The following TRPC1 variants were observed in gnomAD, a reference collection of about 807,000 sequenced individuals.
TRPC1 encodes the protein short transient receptor potential channel 1.
In TRPC1, 42 loss-of-function variants were observed where a neutral mutation model predicts 88.2. The ratio of observed to expected loss-of-function variants is 0.48; its 90% confidence interval spans 0.37 to 0.62. TRPC1 has a LOEUF of 0.62. TRPC1 is among the 20% of genes least tolerant of loss of function. The pLI is 0.00. For missense variants in TRPC1, 699 were observed against 957.3 expected (o/e 0.73, Z 3.56); for synonymous variants, 288 against 331.8 (o/e 0.87, Z 1.43).
At chr3:142,758,820 TC>T (rs1935077819) in intron 4 of TRPC1, among the ~76,000 whole-genome samples, 1 of 102,642 alleles carries the variant, frequency 9.7e-6, no homozygotes, top group Non-Finnish European at 1.9e-5. Context: ...ATGCTATCCC[TC>T]CCCCCTCCCC....
intron 2 of TRPC1, among the ~76,000 whole-genome samples, chr3:142,740,245 A>T (rs1934297987): frequency 6.6e-6 from 1 of 152,246 alleles, no homozygotes. Context: ...GGAGTCCAGG[A>T]TGATTTGGAA....
At chr3:142,783,328 C>T (rs1191044532) in intron 6 of TRPC1, among the ~76,000 whole-genome samples, 1 of 152,148 alleles carries the variant, frequency 6.6e-6, no homozygotes, top group Non-Finnish European at 1.5e-5. Flanking sequence ...CCAGGCATTT[C>T]ACCTTGAGGG....
At chr3:142,780,807 C>T (rs1051651326) in intron 5 of TRPC1, 27 bp from the exon 6 acceptor site, 7 of 1,555,480 alleles carry the variant, frequency 4.5e-6, no homozygotes, top group Non-Finnish European at 6.1e-6. Flanking sequence ...AACGACGTTT[C>T]TGATAATAGA....
chr3:142,760,888 A>G (rs943393904), intron 4 of TRPC1, among the ~76,000 whole-genome samples: 7 of 151,512 alleles, frequency 4.6e-5, no homozygotes, highest in East Asian at 1.9e-4. Flanking sequence ...TCTTTTTCAG[A>G]TTGTTCTTTG....
intron 4 of TRPC1, among the ~76,000 whole-genome samples, chr3:142,749,768 A>G (rs1934688119): frequency 6.6e-6 from 1 of 152,174 alleles, no homozygotes; most frequent in African/African-American, 2.4e-5. Flanking sequence ...AAATAATGCC[A>G]CACATCTACA....
At chr3:142,743,300 G>A (rs1388757117) in intron 2 of TRPC1, among the ~76,000 whole-genome samples, 185 bp from the exon 3 acceptor site, 1 of 151,840 alleles carries the variant, frequency 6.6e-6, no homozygotes, top group African/African-American at 2.4e-5. Context: ...GTGTATTGTG[G>A]TACACAGAAG....
chr3:142,727,314 T>G (rs1167424926), intron 1 of TRPC1, among the ~76,000 whole-genome samples: 2 of 152,178 alleles, frequency 1.3e-5, no homozygotes, highest in African/African-American at 4.8e-5. Flanking sequence ...ATATGCAAAA[T>G]GTTCATAACA....
intron 9 of TRPC1, among the ~76,000 whole-genome samples, chr3:142,793,223 T>A (rs1936347932): frequency 1.3e-5 from 2 of 152,084 alleles, no homozygotes; most frequent in South Asian, 4.1e-4. Flanking sequence ...GACATAGATA[T>A]GTTTAAAATA....
intron 4 of TRPC1, among the ~76,000 whole-genome samples, chr3:142,772,352 A>T (rs1935606091): frequency 6.6e-6 from 1 of 151,302 alleles, no homozygotes; most frequent in Non-Finnish European, 1.5e-5. Flanking sequence ...TTTCTTAATT[A>T]TTTCTTCTCT....
chr3:142,758,068 A>AT (rs958710458), intron 4 of TRPC1, among the ~76,000 whole-genome samples: 61 of 150,876 alleles, frequency 4.0e-4, no homozygotes, highest in South Asian at 1.0e-3. Flanking sequence ...TATTCTTTCT[A>AT]TTTTTTTTTG....
intron 6 of TRPC1, among the ~76,000 whole-genome samples, chr3:142,782,395 G>A (rs1294782702): frequency 2.0e-5 from 3 of 152,114 alleles, no homozygotes; most frequent in Non-Finnish European, 4.4e-5. Flanking sequence ...ACGATCAGTG[G>A]GGAAGATATT....
intron 4 of TRPC1, among the ~76,000 whole-genome samples, chr3:142,760,657 A>G (rs1444774348): frequency 6.6e-6 from 1 of 152,172 alleles, no homozygotes; most frequent in Non-Finnish European, 1.5e-5. Context: ...TGGAATCTCA[A>G]AATTGCTTTG....
chr3:142,771,152 C>T lies in TRPC1; in HGVS notation c.633-6480C>T, dbSNP rs188199204. On this transcript the variant is annotated intron_variant, in intron 4 of 12. Coordinates refer to ENST00000476941, the MANE Select transcript of TRPC1 (RefSeq NM_001251845.2). ...TCCACCTCCATGACCCAAACATCTC[C>T]AACAAGGCCCCACCTCCAACATTGA... 1.3e-4 allele frequency among the ~76,000 whole-genome samples: 20 copies of T among 152,330 alleles called. No homozygotes were observed. In the East Asian group the frequency reaches 3.9e-3, roughly 29 times the overall value.
intron 6 of TRPC1, among the ~76,000 whole-genome samples, chr3:142,782,225 T>A (rs1935983355): frequency 6.6e-6 from 1 of 152,138 alleles, no homozygotes; most frequent in Admixed American, 6.5e-5. Flanking sequence ...CCTGAAGGAC[T>A]CACAGAGTGG....
Position 142,798,866 on chromosome 3 carries a change from T to C in TRPC1, c.1582-3303T>C, listed in dbSNP as rs139540968. Among the ~76,000 whole-genome samples the C allele has an allele frequency of 4.6e-3, 698 of 152,294 alleles. 5 individuals are homozygous for C. The highest frequency in any genetic ancestry group is 0.015 in the African/African-American group (620 of 41,584). Reference sequence around the variant, plus strand: ...TTTCTTTTGTTAGCAACTTGTGTAATTTAATGAGCCTAATGATAGCAACCT... The same window carrying C: ...TTTCTTTTGTTAGCAACTTGTGTAACTTAATGAGCCTAATGATAGCAACCT... On this transcript the variant is annotated intron_variant, in intron 9 of 12. Coordinates refer to ENST00000476941, the MANE Select transcript of TRPC1 (RefSeq NM_001251845.2).
chr3:142,734,548 T>C (rs1934048645), intron 1 of TRPC1, among the ~76,000 whole-genome samples: 1 of 152,014 alleles, frequency 6.6e-6, no homozygotes, highest in South Asian at 2.1e-4. Context: ...CTAATGGAAG[T>C]TGACAAGAGA....
chr3:142,795,782 A>G (rs1335387279), intron 9 of TRPC1, among the ~76,000 whole-genome samples: 3 of 152,108 alleles, frequency 2.0e-5, no homozygotes, highest in Non-Finnish European at 4.4e-5. Context: ...AGAAGAATGA[A>G]CAAAATACAA....
intron 4 of TRPC1, among the ~76,000 whole-genome samples, chr3:142,774,080 T>C (rs1005882278): frequency 2.0e-5 from 3 of 152,192 alleles, no homozygotes; most frequent in African/African-American, 7.2e-5. Context: ...AGGACTCTTT[T>C]TAGTGTCTAC....
At chr3:142,795,789 A>G (rs1936432578) in intron 9 of TRPC1, among the ~76,000 whole-genome samples, 1 of 152,106 alleles carries the variant, frequency 6.6e-6, no homozygotes, top group Admixed American at 6.6e-5. Flanking sequence ...TGAACAAAAT[A>G]CAAATATACC....
Sources: gnomAD v4.1 joint callset for allele counts (sites outside exome capture counted in the v4.1 genomes callset) on GRCh38, gnomAD v4.1.1 for gene constraint, MANE v1.5 for transcripts, NCBI Gene and HGNC (gene_info 2026-07-23, HGNC 2026-07-21) for gene names.